BAZ2B: variants seen among roughly 807,000 people sequenced by gnomAD.
BAZ2B encodes bromodomain adjacent to zinc finger domain 2B, also known as bromodomain adjacent to zinc finger domain protein 2B.
Under a neutral mutation model 246.0 loss-of-function variants are expected in BAZ2B, and 91 were observed. The observed-to-expected ratio is 0.37, with a 90% confidence interval of 0.31 to 0.44. BAZ2B has a LOEUF of 0.44. BAZ2B is among the 20% of genes least tolerant of loss of function. The probability of loss-of-function intolerance (pLI) is 1.00; values close to 1 mark genes in which losing one functional copy is unlikely to be tolerated. For synonymous variants in BAZ2B, 855 were observed against 860.0 expected (o/e 0.99, Z 0.10); for missense variants, 2,332 against 2,533.7 (o/e 0.92, Z 1.71).
In BAZ2B at chr2:159,332,583, G is replaced by A. The variant is rs1158408948; in HGVS notation, c.5900C>T (p.Thr1967Ile). 1.2e-6 allele frequency: 2 copies of A among 1,614,110 alleles called. No homozygotes were observed. Among genetic ancestry groups the A allele is most frequent in the Non-Finnish European group, 1.7e-6 (2 of 1,179,978 alleles). The change falls in exon 34 of 37, where the codon ACA becomes ATA. Residue 1967 changes from threonine to isoleucine, a missense_variant. Physicochemically the swap from Thr to Ile is moderately conservative, Grantham distance 89. This residue lies in a region of BAZ2B where 210 missense variants were observed against 232.5 expected (regional missense o/e 0.90). Transcript: ENST00000392783. ...ACAAAACCAGTCTCCATCTGGGATT[G>A]TTGTAATCTTGGGTCTATGGCAGTA... ...HTYCHRPKIT[T>I]IPDGDWFCPA...
chr2:159,438,134 T>C (rs2072748673), intron 8 of BAZ2B, 169 bp downstream of exon 8: 2 of 644,850 alleles, frequency 3.1e-6, no homozygotes, highest in Non-Finnish European at 2.6e-6. Flanking sequence ...CATATATGAA[T>C]ATAAAATCAG....
At chr2:159,448,457 C>G (rs2074569263) in intron 4 of BAZ2B, 48 bp from the exon 5 acceptor site, 1 of 1,500,774 alleles carries the variant, frequency 6.7e-7, no homozygotes, top group Admixed American at 2.6e-5. Flanking sequence ...AATTAACTTT[C>G]CAGTTAACGT....
At chr2:159,427,322 T>C (rs990598708) in intron 13 of BAZ2B, among the ~76,000 whole-genome samples, 1 of 152,106 alleles carries the variant, frequency 6.6e-6, no homozygotes, top group Non-Finnish European at 1.5e-5. Context: ...TTCTTTTTGC[T>C]GACTGGTGAG....
At chr2:159,331,117 G>A (rs1204507024) in intron 34 of BAZ2B, among the ~76,000 whole-genome samples, 1 of 152,174 alleles carries the variant, frequency 6.6e-6, no homozygotes, top group Non-Finnish European at 1.5e-5. Context: ...TATTCCCAAG[G>A]AGGTAAGAAT....
chr2:159,513,517 C>T (rs1488041495), intron 2 of BAZ2B, among the ~76,000 whole-genome samples: 1 of 152,172 alleles, frequency 6.6e-6, no homozygotes, highest in African/African-American at 2.4e-5. Context: ...ATTCTTCATC[C>T]TCATCCCACA....
intron 13 of BAZ2B, among the ~76,000 whole-genome samples, chr2:159,420,825 T>C (rs1036047296): frequency 6.6e-6 from 1 of 152,192 alleles, no homozygotes; most frequent in Non-Finnish European, 1.5e-5. Context: ...AACAATGCCA[T>C]TTATTCAACA....
chr2:159,650,092 C>G, the BAZ2B span, among the ~76,000 whole-genome samples: 1 of 151,860 alleles, frequency 6.6e-6, no homozygotes, highest in Non-Finnish European at 1.5e-5. Flanking sequence ...CTATATTATT[C>G]ATTTTTTTAC....
At chr2:159,401,381 A>G (rs1352540015) in intron 16 of BAZ2B, among the ~76,000 whole-genome samples, 1 of 152,228 alleles carries the variant, frequency 6.6e-6, no homozygotes, top group East Asian at 1.9e-4. Context: ...TGAGCAAATA[A>G]TAACTATTCT....
rs140691252 is a variant in BAZ2B at position 159,502,126 on chromosome 2, T to C, written c.-2-23405A>G. ...GAAACATCCAGAAAAGGATACTCTG[T>C]AGAGACAGAAAATATAGAACTATGG... On this transcript the variant is annotated intron_variant, in intron 2 of 36. Transcript: ENST00000392783. 1.9e-3 allele frequency among the ~76,000 whole-genome samples: 284 copies of C among 152,236 alleles called. 2 individuals are homozygous for C. The highest frequency in any genetic ancestry group is 3.0e-3 in the Admixed American group (46 of 15,284).
chr2:159,472,382 C>T (rs2077915912), intron 3 of BAZ2B, among the ~76,000 whole-genome samples: 1 of 152,236 alleles, frequency 6.6e-6, no homozygotes, highest in Non-Finnish European at 1.5e-5. Context: ...ATCATGTCAT[C>T]TGCAAACAGA....
intron 2 of BAZ2B, among the ~76,000 whole-genome samples, chr2:159,513,281 A>G (rs2083109969): frequency 6.6e-6 from 1 of 152,202 alleles, no homozygotes; most frequent in Admixed American, 6.5e-5. Flanking sequence ...TTAGATGTTT[A>G]GCTGTTACTT....
chr2:159,332,469 T>C, intron 34 of BAZ2B, 71 bp downstream of exon 34: 1 of 1,450,090 alleles, frequency 6.9e-7, no homozygotes, highest in African/African-American at 1.4e-5. Context: ...CCTGGGCAAC[T>C]GAGACCATGT....
chr2:159,606,452 C>T (rs1559890771), intron 1 of BAZ2B, among the ~76,000 whole-genome samples: 1 of 152,104 alleles, frequency 6.6e-6, no homozygotes, highest in Non-Finnish European at 1.5e-5. Flanking sequence ...GGTTTTGGTG[C>T]TTCCTATGTC....
intron 13 of BAZ2B, among the ~76,000 whole-genome samples, chr2:159,419,615 T>A (rs1177467614): frequency 2.0e-5 from 3 of 152,184 alleles, no homozygotes; most frequent in African/African-American, 7.2e-5. Context: ...GTGAGAAAGA[T>A]GTGGTTTGAT....
the BAZ2B span, among the ~76,000 whole-genome samples, chr2:159,669,046 A>C: frequency 2.8e-5 from 4 of 143,244 alleles, no homozygotes; most frequent in African/African-American, 5.4e-5. Flanking sequence ...ACACAGCAAG[A>C]GACTCCGTCT....
chr2:159,637,365 G>A, the BAZ2B span, among the ~76,000 whole-genome samples: 1 of 152,168 alleles, frequency 6.6e-6, no homozygotes, highest in Non-Finnish European at 1.5e-5. Flanking sequence ...ACCATAAGCT[G>A]ATAAAAGAGT....
At chr2:159,669,974 CCT>C in the BAZ2B span, among the ~76,000 whole-genome samples, 1 of 151,998 alleles carries the variant, frequency 6.6e-6, no homozygotes, top group Admixed American at 6.6e-5. Flanking sequence ...CTCTTTCTTT[CCT>C]CTTTTTTTTC....
intron 34 of BAZ2B, among the ~76,000 whole-genome samples, chr2:159,327,176 C>T (rs548926645): frequency 6.6e-5 from 10 of 151,944 alleles, no homozygotes; most frequent in Admixed American, 3.3e-4. Context: ...ATCAGCCACC[C>T]GAGTAGCTGG....
chr2:159,477,129 C>T (rs1413580422), intron 3 of BAZ2B, among the ~76,000 whole-genome samples: 4 of 152,026 alleles, frequency 2.6e-5, no homozygotes, highest in Non-Finnish European at 5.9e-5. Context: ...CACGGTGAAA[C>T]CCCGTCTCTA....
Sources: gnomAD v4.1 joint callset for allele counts (sites outside exome capture counted in the v4.1 genomes callset) on GRCh38, gnomAD v4.1.1 for gene constraint, gnomAD v4.1.1 regional missense constraint, MANE v1.5 for transcripts, NCBI Gene and HGNC (gene_info 2026-07-23, HGNC 2026-07-21) for gene names.